PHEX: variants seen among roughly 807,000 people sequenced by gnomAD.
PHEX encodes the protein phosphate-regulating neutral endopeptidase PHEX.
PHEX carries 16 observed loss-of-function variants against 68.0 expected under a neutral mutation model. That is an observed-to-expected ratio of 0.24 (90% CI 0.16 to 0.36). The LOEUF is 0.36. PHEX is among the 10% of genes least tolerant of loss of function. The pLI, the probability that PHEX is intolerant of heterozygous loss-of-function variation, is 1.00. For missense variants in PHEX, 480 were observed against 575.5 expected (o/e 0.83, Z 1.70); for synonymous variants, 208 against 205.1 (o/e 1.01, Z -0.12).
chrX:22,181,784 C>T (rs780057462), intron 14 of PHEX, among the ~76,000 whole-genome samples: 6 of 111,277 alleles, frequency 5.4e-5, no homozygotes, highest in African/African-American at 2.0e-4. Flanking sequence ...ATTGTGGAGA[C>T]CTTTCACTTC....
chrX:22,118,844 C>T (rs929792563), intron 11 of PHEX, among the ~76,000 whole-genome samples: 5 of 112,077 alleles, frequency 4.5e-5, no homozygotes, highest in African/African-American at 1.6e-4. Flanking sequence ...CATTCACACA[C>T]ACAACCATGG....
At chrX:22,140,455 T>C (rs1932408118) in intron 12 of PHEX, among the ~76,000 whole-genome samples, 1 of 111,948 alleles carries the variant, frequency 8.9e-6, no homozygotes, top group Non-Finnish European at 1.9e-5. Flanking sequence ...GATGTTTAAA[T>C]GTTTTTCTTT....
intron 1 of PHEX, among the ~76,000 whole-genome samples, chrX:22,035,642 T>C (rs1047115116): frequency 1.8e-5 from 2 of 111,732 alleles, no homozygotes; most frequent in African/African-American, 6.5e-5. Context: ...GGCAATGGAT[T>C]TGACCTACAG....
intron 15 of PHEX, among the ~76,000 whole-genome samples, chrX:22,209,762 C>CCTCCCTCTCCTCCCTCTCTCT (rs1569428006): frequency 1.4e-5 from 1 of 72,055 alleles, no homozygotes; most frequent in Non-Finnish European, 3.0e-5. Flanking sequence ...TCCTCCCTCT[C>CCTCCCTCTCCTCCCTCTCTCT]CTCCCTCTCC....
chrX:22,242,033 A>G (rs919510395), intron 20 of PHEX, among the ~76,000 whole-genome samples: 1 of 111,917 alleles, frequency 8.9e-6, no homozygotes, highest in Non-Finnish European at 1.9e-5. Context: ...CCTCAGTAAG[A>G]TATTGGCAAA....
intron 15 of PHEX, among the ~76,000 whole-genome samples, chrX:22,205,981 G>T (rs1383628828): frequency 8.9e-6 from 1 of 112,084 alleles, no homozygotes; most frequent in African/African-American, 3.2e-5. Context: ...GGTCAGCAGG[G>T]AGGGCTAAGA....
rs766825319 is a variant in PHEX, at chrX:22,226,432, C to A, written c.1900-11C>A. ...ATTCATTTTTTTTTTTTCCTTTTTT[C>A]TTTCTGTTAGGTCAAGGGGAAGAGG... On this transcript the variant is annotated splice_polypyrimidine_tract_variant and intron_variant, in intron 18 of 21. Coordinates refer to ENST00000379374, the MANE Select transcript of PHEX (RefSeq NM_000444.6). 2 of 1,136,994 alleles carry A rather than the reference C, an allele frequency of 1.8e-6. No individual in the cohort carries two copies. Among genetic ancestry groups the A allele is most frequent in the Non-Finnish European group, 2.4e-6 (2 of 848,386 alleles). The allele number at this position is 1,136,994 out of a possible 1,213,427, so 93.7% of individuals were successfully genotyped here.
chrX:22,192,445 A>G (rs1346882453), intron 15 of PHEX, among the ~76,000 whole-genome samples: 1 of 111,457 alleles, frequency 9.0e-6, no homozygotes, highest in Non-Finnish European at 1.9e-5. Context: ...TCTTTGCTCA[A>G]AAGCTTTTAT....
chrX:22,076,288 T>C, intron 3 of PHEX, 100 bp from the exon 4 acceptor site: 1 of 585,399 alleles, frequency 1.7e-6, no homozygotes, highest in East Asian at 3.4e-5. Context: ...TCTGTCTTTG[T>C]ATTTAATTTT....
chrX:22,227,548 G>A lies in PHEX; in HGVS notation c.2007G>A (p.Glu669=). ...TAAATGACAGAAGGCAGGGACTTGA[G>A]GAGCCTCTTCTACCAGGCATCACAT... ...KWINDRRQGL[E]EPLLPGITFT... The change falls in exon 20 of 22, where the codon GAG becomes GAA. Residue 669 remains glutamate, a synonymous_variant. Transcript: ENST00000379374. The A allele has an allele frequency of 8.3e-7, 1 of 1,209,608 alleles. No individual in the cohort carries two copies. The highest frequency in any genetic ancestry group is 1.1e-6 in the Non-Finnish European group (1 of 893,526).
At chrX:22,043,192 G>A (rs763037132) in intron 2 of PHEX, among the ~76,000 whole-genome samples, 4 of 112,472 alleles carry the variant, frequency 3.6e-5, no homozygotes, top group Non-Finnish European at 7.5e-5. Context: ...ATAAGTGATT[G>A]TGGAATTACA....
At chrX:22,220,262 C>T (rs1312480052) in intron 17 of PHEX, among the ~76,000 whole-genome samples, 2 of 111,767 alleles carry the variant, frequency 1.8e-5, no homozygotes, top group East Asian at 5.6e-4. Flanking sequence ...GTATCTCCAA[C>T]ATCCTTCCTG....
intron 20 of PHEX, among the ~76,000 whole-genome samples, chrX:22,229,195 A>T (rs972644692): frequency 6.1e-4 from 68 of 112,189 alleles, no homozygotes; most frequent in African/African-American, 2.1e-3. Flanking sequence ...CACAATAAAC[A>T]TAAGTGTGCA....
At position 22,076,370 on chromosome X, in the gene PHEX, C is replaced by T; in HGVS notation, c.350-18C>T. The T allele has an allele frequency of 1.7e-6, 2 of 1,174,921 alleles. No individual in the cohort carries two copies. Among genetic ancestry groups the T allele is most frequent in the Non-Finnish European group, 2.3e-6 (2 of 862,323 alleles). On this transcript the variant is annotated intron_variant, in intron 3 of 21. Transcript: ENST00000379374. The stretch of plus-strand genomic sequence containing the variant: ...ATATGTGGGTGGATACTAATGAATC[C>T]TTTCTTAACCTTCCCAGAACTTTTG...
chrX:22,150,835 A>G (rs758274494), intron 12 of PHEX, among the ~76,000 whole-genome samples: 1 of 112,482 alleles, frequency 8.9e-6, no homozygotes, highest in Admixed American at 9.4e-5. Flanking sequence ...AACAGCCCCA[A>G]TTGTCCCTTG....
chrX:22,134,508 G>T (rs374902035), intron 12 of PHEX, among the ~76,000 whole-genome samples: 2 of 112,377 alleles, frequency 1.8e-5, no homozygotes, highest in African/African-American at 6.5e-5. Flanking sequence ...CAGGAGAATC[G>T]CTTGAGCCTG....
chrX:22,098,605 G>A (rs1930258287), intron 8 of PHEX, among the ~76,000 whole-genome samples: 1 of 100,825 alleles, frequency 9.9e-6, no homozygotes, highest in African/African-American at 3.8e-5. Context: ...TGGCCAACAT[G>A]GTGAAATTCC....
chrX:22,246,425 G>C lies in PHEX; in HGVS notation c.2147+1016G>C, dbSNP rs921906939. Among the ~76,000 whole-genome samples the C allele has an allele frequency of 5.4e-5, 6 of 111,552 alleles. No homozygotes were observed. The Admixed American group carries it at 5.7e-4, about 11-fold the overall frequency. The stretch of plus-strand genomic sequence containing the variant: ...ATCTTATTCTTAAGATCTTGCCTTA[G>C]AAATGCTTCAGAAATTGACTATAAA... On this transcript the variant is annotated intron_variant, in intron 21 of 21. Coordinates refer to ENST00000379374, the MANE Select transcript of PHEX (RefSeq NM_000444.6).
In PHEX at chrX:22,173,713, G is replaced by T. The variant is rs945645212; in HGVS notation, c.1483-4560G>T. On this transcript the variant is annotated intron_variant, in intron 13 of 21. Coordinates refer to ENST00000379374, the MANE Select transcript of PHEX (RefSeq NM_000444.6). ...AAATACGGATTCCATTAAGTATTCA[G>T]AAAATCCTTTGGGTGCCTAACATAA... Among the ~76,000 whole-genome samples the T allele has an allele frequency of 2.7e-5, 3 of 110,879 alleles. No homozygotes were observed. In the Admixed American group the frequency reaches 2.9e-4, roughly 11 times the overall value.
Sources: allele counts gnomAD v4.1 joint callset (sites outside exome capture counted in the v4.1 genomes callset), GRCh38; gene constraint gnomAD v4.1.1; transcripts MANE v1.5; gene names NCBI Gene and HGNC (gene_info 2026-07-23, HGNC 2026-07-21).